CSMD1: variants seen among roughly 807,000 people sequenced by gnomAD.
CSMD1 encodes the protein CUB and Sushi multiple domains 1, also known as CUB and sushi domain-containing protein 1.
In CSMD1, 213 loss-of-function variants were observed where a neutral mutation model predicts 417.5. The ratio of observed to expected loss-of-function variants is 0.51; its 90% confidence interval spans 0.46 to 0.57. The LOEUF (loss-of-function observed/expected upper bound fraction) is 0.57. Among genes scored for constraint, CSMD1 ranks in the 20% least tolerant of loss-of-function variants. The probability of loss-of-function intolerance (pLI) is 0.00; values close to 1 mark genes in which losing one functional copy is unlikely to be tolerated. For missense variants in CSMD1, 6,923 were observed against 4,529.7 expected (o/e 1.53, Z -15.17); for synonymous variants, 2,862 against 1,736.8 (o/e 1.65, Z -16.11).
intron 3 of CSMD1, among the ~76,000 whole-genome samples, chr8:4,200,238 T>C (rs1799569454): frequency 6.6e-6 from 1 of 152,220 alleles, no homozygotes; most frequent in African/African-American, 2.4e-5. Flanking sequence ...TTCAAAACAA[T>C]TCCTCTATTC....
At chr8:4,688,312 G>C (rs1186484882) in intron 1 of CSMD1, among the ~76,000 whole-genome samples, 3 of 152,100 alleles carry the variant, frequency 2.0e-5, no homozygotes, top group Non-Finnish European at 4.4e-5. Flanking sequence ...AAAAGCATGG[G>C]CTTGGGATGC....
chr8:4,298,004 G>A (rs76534986), intron 3 of CSMD1, among the ~76,000 whole-genome samples: 6,000 of 152,108 alleles, frequency 0.039, 180 homozygotes, highest in South Asian at 0.1. Flanking sequence ...TGTAGCAAAC[G>A]CTTGTTTCCC....
intron 10 of CSMD1, among the ~76,000 whole-genome samples, chr8:3,547,505 G>A (rs1347487854): frequency 1.3e-5 from 2 of 152,162 alleles, no homozygotes; most frequent in Non-Finnish European, 2.9e-5. Flanking sequence ...ATATATTTAT[G>A]CCTGATCACG....
At chr8:4,689,190 A>G (rs951070686) in intron 1 of CSMD1, among the ~76,000 whole-genome samples, 1 of 152,228 alleles carries the variant, frequency 6.6e-6, no homozygotes, top group Non-Finnish European at 1.5e-5. Context: ...CAATAGGTTT[A>G]TTCTTTTGTG....
intron 3 of CSMD1, among the ~76,000 whole-genome samples, chr8:4,058,573 C>G (rs1798815099): frequency 6.6e-6 from 1 of 151,232 alleles, no homozygotes; most frequent in East Asian, 1.9e-4. Context: ...AACATATAGG[C>G]TCAAAATAAA....
intron 1 of CSMD1, among the ~76,000 whole-genome samples, chr8:4,975,018 T>A (rs1810468697): frequency 6.6e-6 from 1 of 152,142 alleles, no homozygotes; most frequent in African/African-American, 2.4e-5. Context: ...TTTCTAGAGC[T>A]CTACTAGAAG....
intron 8 of CSMD1, 125 bp downstream of exon 8, chr8:3,616,585 G>C (rs1164327928): frequency 7.7e-6 from 5 of 651,454 alleles, no homozygotes; most frequent in South Asian, 3.8e-5. Flanking sequence ...CACACATTTA[G>C]AGTTAATGAT....
chr8:4,693,852 C>A (rs1030538178), intron 1 of CSMD1, among the ~76,000 whole-genome samples: 5 of 49,088 alleles, frequency 1.0e-4, no homozygotes, highest in African/African-American at 6.5e-4. Flanking sequence ...AGGTCCTATT[C>A]TTTTTAACTC....
intron 2 of CSMD1, among the ~76,000 whole-genome samples, chr8:4,521,478 T>A (rs1353695741): frequency 6.6e-6 from 1 of 152,212 alleles, no homozygotes; most frequent in Admixed American, 6.5e-5. Context: ...GAATATGCAT[T>A]TATATAAGAA....
intron 51 of CSMD1, among the ~76,000 whole-genome samples, chr8:3,026,936 T>G (rs1809974507): frequency 2.0e-5 from 3 of 152,134 alleles, no homozygotes; most frequent in Admixed American, 2.0e-4. Flanking sequence ...TGATGTCATT[T>G]CCAAAACATT....
At chr8:3,612,523 G>A (rs760336537) in intron 8 of CSMD1, among the ~76,000 whole-genome samples, 1 of 152,030 alleles carries the variant, frequency 6.6e-6, no homozygotes, top group Non-Finnish European at 1.5e-5. Flanking sequence ...AAGTGGTCAT[G>A]GAACATTTAC....
At chr8:3,362,481 G>A (rs1386483891) in intron 20 of CSMD1, among the ~76,000 whole-genome samples, 2 of 152,138 alleles carry the variant, frequency 1.3e-5, no homozygotes, top group Non-Finnish European at 2.9e-5. Flanking sequence ...TTAGCTCCCT[G>A]GATGCCACTC....
At chr8:4,779,622 T>G (rs1474973190) in intron 1 of CSMD1, among the ~76,000 whole-genome samples, 1 of 152,238 alleles carries the variant, frequency 6.6e-6, no homozygotes, top group Non-Finnish European at 1.5e-5. Context: ...CCTCCAGCAC[T>G]TCTCAAGCTT....
rs546966654 is a variant in CSMD1 at position 3,783,053 on chromosome 8, T to A, written c.819-29011A>T. On this transcript the variant is annotated intron_variant, in intron 5 of 69. Transcript: ENST00000635120. ...GTTCATCTTCTGTACTGACACTTCC[T>A]ACTGTTGAAAGCAAGTCCCCATCTC... Among the ~76,000 whole-genome samples the A allele has an allele frequency of 4.6e-5, 7 of 152,284 alleles. No homozygotes were observed. In the South Asian group the frequency reaches 1.5e-3, roughly 32 times the overall value.
chr8:4,268,015 A>C (rs747537812), intron 3 of CSMD1, among the ~76,000 whole-genome samples: 8 of 152,146 alleles, frequency 5.3e-5, no homozygotes, highest in Non-Finnish European at 1.2e-4. Context: ...GATAGGAATA[A>C]GACATATATA....
intron 1 of CSMD1, among the ~76,000 whole-genome samples, chr8:4,944,281 G>C (rs527843880): frequency 4.6e-5 from 7 of 152,186 alleles, no homozygotes; most frequent in Admixed American, 2.6e-4. Context: ...TATACTGTGA[G>C]TATTATGGAG....
intron 11 of CSMD1, among the ~76,000 whole-genome samples, chr8:3,485,538 C>CACACACACAGAGAG (rs376214281): frequency 0.1 from 13,423 of 134,598 alleles, 737 homozygotes; most frequent in Non-Finnish European, 0.14. Context: ...CACACACACA[C>CACACACACAGAGAG]AGAGAGAGAG....
intron 5 of CSMD1, among the ~76,000 whole-genome samples, chr8:3,890,929 TCTCTCATACGA>T (rs137966868): frequency 0.036 from 5,466 of 152,272 alleles, 281 homozygotes; most frequent in African/African-American, 0.12. Context: ...TGCTAGCTAC[TCTCTCATACGA>T]CTCTCATACG....
intron 20 of CSMD1, among the ~76,000 whole-genome samples, chr8:3,360,335 C>A (rs188327496): frequency 6.6e-5 from 10 of 152,236 alleles, no homozygotes; most frequent in African/African-American, 2.4e-4. Flanking sequence ...GTGTTTGCCA[C>A]GTTCTTTACA....
Sources: gnomAD v4.1 joint callset for allele counts (sites outside exome capture counted in the v4.1 genomes callset) on GRCh38, gnomAD v4.1.1 for gene constraint, MANE v1.5 for transcripts, NCBI Gene and HGNC (gene_info 2026-07-23, HGNC 2026-07-21) for gene names.